The following TRAP1 variants were observed in gnomAD, a reference collection of about 807,000 sequenced individuals.
TRAP1 encodes heat shock protein 75 kDa, mitochondrial.
Under a neutral mutation model 89.1 loss-of-function variants are expected in TRAP1, and 102 were observed. The ratio of observed to expected loss-of-function variants is 1.15; its 90% CI spans 0.98 to 1.35. The LOEUF is 1.35. Ranked by LOEUF, TRAP1 falls within the 40% of genes most tolerant of loss-of-function variation. The pLI, the probability that TRAP1 is intolerant of heterozygous loss-of-function variation, is 0.00. For missense variants in TRAP1, 1,256 were observed against 945.3 expected, an observed-to-expected ratio of 1.33 and a Z score of -4.31; for synonymous variants, 508 against 388.0, an observed-to-expected ratio of 1.31 and a Z score of -3.64.
Position 3,662,905 on chromosome 16 carries a change from C to G in TRAP1, c.1771G>C (p.Gly591Arg). ...ELMAWMRNVLGSRVTNVKVTL... is the reference protein window; with the variant it reads ...ELMAWMRNVLRSRVTNVKVTL... The stretch of plus-strand genomic sequence containing the variant: ...ACCTTCACGTTGGTGACACGCGACC[C>G]CAGCACATTTCTCATCCAGGCCATG... Residue 591 changes from glycine (G) to arginine (R), a missense_variant, in exon 15 of 18, where the codon GGG becomes CGG. Coordinates refer to ENST00000246957, the MANE Select transcript of TRAP1 (RefSeq NM_016292.3). 6.2e-7 allele frequency: 1 copy of G among 1,613,504 alleles called. No individual in the cohort carries two copies. Among genetic ancestry groups the G allele is most frequent in the African/African-American group, 1.3e-5 (1 of 75,052 alleles).
In TRAP1 at chr16:3,690,934, C is replaced by G; in HGVS notation, c.140G>C (p.Arg47Pro). The G allele has an allele frequency of 6.3e-7, 1 of 1,587,392 alleles. No individual in the cohort carries two copies. Among genetic ancestry groups the G allele is most frequent in the South Asian group, 1.1e-5 (1 of 87,586 alleles). Residue 47 changes from arginine to proline, a missense_variant, in exon 2 of 18, where the codon CGA (arginine) becomes CCA (proline). By Grantham distance (103) the Arg-to-Pro change is moderately radical. Transcript: ENST00000246957. ...TGCCTGCAAGCTCCAGGCTGGGTTTCGCCTGGGGCCCAACTGGGCTGTGGT... is the reference window on the plus strand; with the variant it reads ...TGCCTGCAAGCTCCAGGCTGGGTTTGGCCTGGGGCCCAACTGGGCTGTGGT... ...RRTTAQLGPR[R>P]NPAWSLQAGR... is the part of the protein sequence containing the mutation.
At position 3,676,159 on chromosome 16, in the gene TRAP1, A is replaced by G. The variant is rs8050400; in HGVS notation, c.705-14T>C. Reference sequence around the variant, plus strand: ...AACACTCCAGAACTAAGGCAGGCAAAGAAAGGAAAAGCCAGGTGGATGTGA... The same window carrying G: ...AACACTCCAGAACTAAGGCAGGCAAGGAAAGGAAAAGCCAGGTGGATGTGA... On this transcript the variant is annotated splice_polypyrimidine_tract_variant and intron_variant, in intron 6 of 17. Transcript: ENST00000246957. 1,462,992 of 1,611,058 alleles carry G rather than the reference A, an allele frequency of 0.91. 665,294 individuals are homozygous for G. The highest frequency in any genetic ancestry group is 1 in the East Asian group (44,790 of 44,796).
intron 1 of TRAP1, 75 bp from the exon 2 acceptor site, chr16:3,691,060 G>A: frequency 7.3e-7 from 1 of 1,360,654 alleles, no homozygotes; most frequent in Non-Finnish European, 9.7e-7. Context: ...GTCCCATCAA[G>A]GGTGTCTAGC....
At chr16:3,686,832 G>A (rs1056166213) in intron 3 of TRAP1, among the ~76,000 whole-genome samples, 6 of 152,206 alleles carry the variant, frequency 3.9e-5, no homozygotes, top group African/African-American at 9.6e-5. Flanking sequence ...TTAGCTGGGC[G>A]TGATGGAACA....
intron 12 of TRAP1, 113 bp from the exon 13 acceptor site, chr16:3,664,572 C>A: frequency 1.6e-6 from 2 of 1,212,294 alleles, no homozygotes; most frequent in South Asian, 1.4e-5. Context: ...TCCAGGCTGG[C>A]CCTGACCCGA....
chr16:3,716,536 T>A (rs1331694306), intron 1 of TRAP1, among the ~76,000 whole-genome samples: 2 of 152,230 alleles, frequency 1.3e-5, no homozygotes, highest in African/African-American at 4.8e-5. Context: ...TGGACCTGTA[T>A]ACACTGACAT....
At chr16:3,707,994 G>A (rs2051473994) in intron 1 of TRAP1, among the ~76,000 whole-genome samples, 1 of 152,080 alleles carries the variant, frequency 6.6e-6, no homozygotes, top group South Asian at 2.1e-4. Flanking sequence ...AGACAAGCCG[G>A]GGCAATATAG....
rs950016188 is a variant in TRAP1, at chr16:3,666,561, A to T, written c.1236-443T>A. 8.3e-5 allele frequency among the ~76,000 whole-genome samples: 4 copies of T among 48,328 alleles called. No homozygotes were observed. The African/African-American group carries it at 1.1e-3, about 13-fold the overall frequency. The allele number at this position is 48,328 out of a possible 152,430, so 31.7% of individuals were successfully genotyped here. On this transcript the variant is annotated intron_variant, in intron 11 of 17. Coordinates refer to ENST00000246957, the MANE Select transcript of TRAP1 (RefSeq NM_016292.3). The stretch of plus-strand genomic sequence containing the variant: ...AAATTATGTAATGCTAAATGGCCAT[A>T]AAAAAAAAAAACTGCATCTTTTAAT...
chr16:3,677,479 G>A lies in TRAP1; in HGVS notation c.704+19C>T. The A allele has an allele frequency of 6.2e-7, 1 of 1,614,156 alleles. No individual in the cohort carries two copies. The highest frequency in any genetic ancestry group is 8.5e-7 in the Non-Finnish European group (1 of 1,180,028). ...CAGCTCAGCTTTGAGCTGCCTGTCA[G>A]GCGACATTCGTCACTCACCCATCTG... On this transcript the variant is annotated intron_variant, in intron 6 of 17. Coordinates refer to ENST00000246957, the MANE Select transcript of TRAP1 (RefSeq NM_016292.3).
intron 1 of TRAP1, chr16:3,704,286 G>A (rs893346138): frequency 1.3e-5 from 2 of 152,226 alleles, no homozygotes; most frequent in African/African-American, 4.8e-5. Context: ...CAGAGGTTCA[G>A]TGAGCTGAAA....
intron 1 of TRAP1, among the ~76,000 whole-genome samples, chr16:3,715,485 C>A (rs1399878718): frequency 6.6e-6 from 1 of 151,994 alleles, no homozygotes; most frequent in Non-Finnish European, 1.5e-5. Flanking sequence ...ATTAAAATGT[C>A]CCTGGGCTGA....
chr16:3,672,227 T>G (rs551914607), intron 10 of TRAP1, among the ~76,000 whole-genome samples: 1 of 152,020 alleles, frequency 6.6e-6, no homozygotes. Context: ...TCCCAGCTAC[T>G]CGGGAGGCTA....
intron 9 of TRAP1, 68 bp from the exon 10 acceptor site, chr16:3,672,888 G>A: frequency 1.3e-6 from 2 of 1,546,292 alleles, no homozygotes; most frequent in Non-Finnish European, 1.7e-6. Flanking sequence ...GCTGGGAGGT[G>A]GGGGCGGACA....
At chr16:3,704,297 T>A (rs1007759635) in intron 1 of TRAP1, 1 of 152,162 alleles carries the variant, frequency 6.6e-6, no homozygotes, top group African/African-American at 2.4e-5. Flanking sequence ...TGAGCTGAAA[T>A]TGCATCTCTG....
At chr16:3,675,706 T>G (rs1272258188) in intron 7 of TRAP1, among the ~76,000 whole-genome samples, 1 of 152,184 alleles carries the variant, frequency 6.6e-6, no homozygotes, top group Non-Finnish European at 1.5e-5. Context: ...TCCCTGAGTG[T>G]CCAGCAGGAC....
At chr16:3,700,907 A>G (rs949498798) in intron 1 of TRAP1, among the ~76,000 whole-genome samples, 1 of 152,244 alleles carries the variant, frequency 6.6e-6, no homozygotes. Flanking sequence ...GAAAAAATCC[A>G]AAAGGACAAA....
intron 4 of TRAP1, among the ~76,000 whole-genome samples, chr16:3,685,205 TC>T (rs1455044461): frequency 7.9e-5 from 12 of 151,936 alleles, no homozygotes; most frequent in African/African-American, 2.7e-4. Flanking sequence ...AGAAACCCAC[TC>T]CCCACCCAAT....
Position 3,677,600 on chromosome 16 carries a change from A to T in TRAP1, c.602T>A (p.Phe201Tyr), listed in dbSNP as rs1344875612. 1.2e-6 allele frequency: 2 copies of T among 1,614,174 alleles called. No homozygotes were observed. The highest frequency in any genetic ancestry group is 2.7e-5 in the African/African-American group (2 of 75,040). ...GAAAGCTGAGTAGAAACCCACTCCAAACTGGCCGATGATCTTGCTGCTGGC... is the reference window on the plus strand; with the variant it reads ...GAAAGCTGAGTAGAAACCCACTCCATACTGGCCGATGATCTTGCTGCTGGC... ...AEASSKIIGQ[F>Y]GVGFYSAFMV... The change falls in exon 6 of 18, where the codon TTT becomes TAT. Residue 201 changes from phenylalanine (F) to tyrosine (Y), a missense_variant. By Grantham distance (22) the Phe-to-Tyr change is conservative. Coordinates refer to ENST00000246957, the MANE Select transcript of TRAP1 (RefSeq NM_016292.3).
chr16:3,670,961 C>T (rs2050905298), intron 11 of TRAP1, among the ~76,000 whole-genome samples: 1 of 152,148 alleles, frequency 6.6e-6, no homozygotes, highest in African/African-American at 2.4e-5. Context: ...AGCGCAGCCC[C>T]AACACACACC....
Sources: allele counts gnomAD v4.1 joint callset (sites outside exome capture counted in the v4.1 genomes callset), GRCh38; gene constraint gnomAD v4.1.1; transcripts MANE v1.5; gene names NCBI Gene and HGNC (gene_info 2026-07-23, HGNC 2026-07-21).